NBEA: variants seen among roughly 807,000 people sequenced by gnomAD.
NBEA encodes the protein neurobeachin.
A neutral mutation model predicts 343.4 loss-of-function variants in NBEA; 44 were observed. That is an observed-to-expected ratio of 0.13 (90% CI 0.10 to 0.16). The LOEUF is 0.16. Ranked by LOEUF, NBEA falls within the 10% of genes least tolerant of loss-of-function variation. The probability of loss-of-function intolerance (pLI) is 1.00; values close to 1 mark genes in which losing one functional copy is unlikely to be tolerated. For synonymous variants in NBEA, 1,175 were observed against 1,238.7 expected (o/e 0.95, Z 1.08); for missense variants, 2,555 against 3,631.3 (o/e 0.70, Z 7.62).
chr13:35,461,419 C>T (rs1044495247), intron 40 of NBEA, among the ~76,000 whole-genome samples: 6 of 152,068 alleles, frequency 3.9e-5, no homozygotes, highest in Non-Finnish European at 8.8e-5. Context: ...ATACTGTCTA[C>T]CAATCTGGAG....
intron 36 of NBEA, among the ~76,000 whole-genome samples, chr13:35,325,966 A>G (rs553448733): frequency 1.3e-5 from 2 of 152,024 alleles, no homozygotes; most frequent in Non-Finnish European, 2.9e-5. Context: ...AGATGCCTGT[A>G]GGTGTACAGC....
intron 33 of NBEA, among the ~76,000 whole-genome samples, chr13:35,225,220 G>A (rs905069273): frequency 3.3e-5 from 5 of 152,048 alleles, no homozygotes; most frequent in African/African-American, 1.2e-4. Context: ...TGCTGTCCTG[G>A]ATCTTGAAGG....
chr13:35,083,850 C>T (rs2064567684), intron 10 of NBEA, among the ~76,000 whole-genome samples: 1 of 152,024 alleles, frequency 6.6e-6, no homozygotes, highest in Admixed American at 6.6e-5. Context: ...TGCAGAGACA[C>T]ACATAGGCTT....
At chr13:35,218,583 T>A (rs1235547374) in intron 33 of NBEA, among the ~76,000 whole-genome samples, 1 of 152,048 alleles carries the variant, frequency 6.6e-6, no homozygotes, top group Non-Finnish European at 1.5e-5. Flanking sequence ...AAATTCTTCA[T>A]CTCAGATGAA....
rs1566486401 is a variant in NBEA at position 35,668,499 on chromosome 13, G to T, written c.8793G>T (p.Met2931Ile). 8 of 1,607,670 alleles carry T rather than the reference G, an allele frequency of 5.0e-6. No individual in the cohort carries two copies. Among genetic ancestry groups the T allele is most frequent in the Non-Finnish European group, 6.8e-6 (8 of 1,177,260 alleles). The stretch of plus-strand genomic sequence containing the variant: ...GATGTGATGCTGGCATTAGAGCAAT[G>T]GACTTGTCCCATGACCAGAGGTGAG... ...YPGCDAGIRAMDLSHDQRTLI... is the reference protein window; with the variant it reads ...YPGCDAGIRAIDLSHDQRTLI... Residue 2931 changes from methionine (M) to isoleucine (I), a missense_variant, in exon 58 of 59, where the codon ATG becomes ATT. Physicochemically the swap from Met to Ile is conservative, Grantham distance 10. This residue lies in a region of NBEA where 186 missense variants were observed against 328.9 expected (regional missense o/e 0.57). Coordinates refer to ENST00000379939, the MANE Select transcript of NBEA (RefSeq NM_001385012.1).
At chr13:35,656,962 G>C (rs950990500) in intron 55 of NBEA, among the ~76,000 whole-genome samples, 21 of 152,256 alleles carry the variant, frequency 1.4e-4, no homozygotes, top group South Asian at 4.1e-4. Flanking sequence ...TGCCTCTCTG[G>C]TTAGTTCCAA....
At chr13:35,571,951 A>G (rs2080449845) in intron 45 of NBEA, among the ~76,000 whole-genome samples, 1 of 151,812 alleles carries the variant, frequency 6.6e-6, no homozygotes, top group Admixed American at 6.6e-5. Flanking sequence ...CACAGGAGCA[A>G]AAAAAAAGTT....
chr13:35,456,492 G>A (rs1296136216), intron 40 of NBEA, among the ~76,000 whole-genome samples: 7 of 151,948 alleles, frequency 4.6e-5, no homozygotes, highest in Admixed American at 3.9e-4. Flanking sequence ...TCCCATATGT[G>A]ACTAAAGATT....
chr13:35,493,845 C>T (rs1354971451), intron 41 of NBEA, among the ~76,000 whole-genome samples: 1 of 151,708 alleles, frequency 6.6e-6, no homozygotes, highest in South Asian at 2.1e-4. Flanking sequence ...AGGTGTATCT[C>T]GTCATGTGCA....
intron 38 of NBEA, among the ~76,000 whole-genome samples, chr13:35,426,514 A>C (rs996734277): frequency 5.9e-5 from 9 of 152,188 alleles, no homozygotes; most frequent in Non-Finnish European, 2.9e-5. Flanking sequence ...CCAAGAGATC[A>C]GCTGTTAGTC....
chr13:35,547,204 A>G (rs2079105586), intron 41 of NBEA, among the ~76,000 whole-genome samples: 1 of 152,228 alleles, frequency 6.6e-6, no homozygotes, highest in Non-Finnish European at 1.5e-5. Flanking sequence ...TAAGGGCTGA[A>G]CACTTATTTA....
chr13:35,577,748 A>G (rs191757938), intron 45 of NBEA, among the ~76,000 whole-genome samples: 52 of 152,284 alleles, frequency 3.4e-4, no homozygotes, highest in Middle Eastern at 3.4e-3. Context: ...AAAGAGATGA[A>G]TAAAAGACAG....
intron 1 of NBEA, among the ~76,000 whole-genome samples, chr13:34,974,095 G>A (rs1052845755): frequency 5.3e-5 from 8 of 152,200 alleles, no homozygotes; most frequent in African/African-American, 1.2e-4. Context: ...ATTCACTCAC[G>A]ACTTCACTTG....
At chr13:35,042,154 C>T (rs78928564) in intron 2 of NBEA, among the ~76,000 whole-genome samples, 4,138 of 151,840 alleles carry the variant, frequency 0.027, 81 homozygotes, top group South Asian at 0.074. Flanking sequence ...TTGCAAAAAG[C>T]ATGCTTTGAA....
intron 41 of NBEA, among the ~76,000 whole-genome samples, chr13:35,496,143 G>A (rs1369580322): frequency 6.6e-6 from 1 of 151,904 alleles, no homozygotes; most frequent in Non-Finnish European, 1.5e-5. Flanking sequence ...GTAAGATATA[G>A]GCAGTATTGT....
At chr13:35,433,267 T>C (rs1188921006) in intron 39 of NBEA, among the ~76,000 whole-genome samples, 1 of 152,100 alleles carries the variant, frequency 6.6e-6, no homozygotes, top group Admixed American at 6.6e-5. Flanking sequence ...TGTGATGGGG[T>C]ATATCAGAAT....
chr13:35,224,853 C>T (rs1593824980), intron 33 of NBEA, among the ~76,000 whole-genome samples: 1 of 152,080 alleles, frequency 6.6e-6, no homozygotes, highest in Non-Finnish European at 1.5e-5. Flanking sequence ...TAGTTCCTGA[C>T]AGTCGTATTT....
chr13:35,560,524 G>A (rs574673354), intron 44 of NBEA, among the ~76,000 whole-genome samples: 1 of 152,278 alleles, frequency 6.6e-6, no homozygotes, highest in South Asian at 2.1e-4. Flanking sequence ...CTGAGACAGA[G>A]ATTTGCTTGA....
intron 17 of NBEA, among the ~76,000 whole-genome samples, chr13:35,138,414 T>A (rs2067865168): frequency 6.6e-6 from 1 of 151,868 alleles, no homozygotes; most frequent in Admixed American, 6.6e-5. Context: ...AATTGGAAAT[T>A]ACATAAATGG....
Sources: gnomAD v4.1 joint callset for allele counts (sites outside exome capture counted in the v4.1 genomes callset) on GRCh38, gnomAD v4.1.1 for gene constraint, gnomAD v4.1.1 regional missense constraint, MANE v1.5 for transcripts, NCBI Gene and HGNC (gene_info 2026-07-23, HGNC 2026-07-21) for gene names.